The following TUBGCP3 variants were observed in gnomAD, a reference collection of about 807,000 sequenced individuals.
TUBGCP3 encodes tubulin gamma complex component 3, also known as gamma-tubulin complex component 3.
Under a neutral mutation model 123.1 loss-of-function variants are expected in TUBGCP3, and 50 were observed. That is an observed-to-expected ratio of 0.41 (90% CI 0.32 to 0.51). TUBGCP3 has a LOEUF of 0.51. TUBGCP3 is among the 20% of genes least tolerant of loss of function. The pLI is 0.36. For synonymous variants in TUBGCP3, 405 were observed against 413.9 expected, an observed-to-expected ratio of 0.98 and a Z score of 0.26; for missense variants, 882 against 1,127.0, an observed-to-expected ratio of 0.78 and a Z score of 3.11.
At chr13:112,507,636 G>C (rs561329603) in intron 17 of TUBGCP3, among the ~76,000 whole-genome samples, 2 of 152,308 alleles carry the variant, frequency 1.3e-5, no homozygotes, top group African/African-American at 4.8e-5. Flanking sequence ...GCTCAGGTCT[G>C]TGCTGCTCTG....
chr13:112,489,718 A>T (rs1248401238), intron 20 of TUBGCP3, 21 bp from the exon 21 acceptor site: 1 of 1,588,076 alleles, frequency 6.3e-7, no homozygotes, highest in East Asian at 2.2e-5. Flanking sequence ...AAAAGTACCA[A>T]ATGTCAGTAA....
chr13:112,502,898 G>A (rs559951506), intron 19 of TUBGCP3, among the ~76,000 whole-genome samples: 1 of 151,978 alleles, frequency 6.6e-6, no homozygotes, highest in Non-Finnish European at 1.5e-5. Flanking sequence ...CTATTTTTCT[G>A]ACATAATTTC....
chr13:112,486,944 T>C (rs1274809219), intron 21 of TUBGCP3, among the ~76,000 whole-genome samples: 4 of 152,164 alleles, frequency 2.6e-5, no homozygotes, highest in Non-Finnish European at 5.9e-5. Flanking sequence ...CACTGCCCCT[T>C]CCCAGCTTCT....
At position 112,526,977 on chromosome 13, in the gene TUBGCP3, A is replaced by G. The variant is rs200530144; in HGVS notation, c.1520T>C (p.Ile507Thr). The G allele has an allele frequency of 1.2e-6, 2 of 1,614,116 alleles. No individual in the cohort carries two copies. Among genetic ancestry groups the G allele is most frequent in the Non-Finnish European group, 1.7e-6 (2 of 1,180,046 alleles). ...TGACTCTGCAGACTTGGTCACAGCT[A>G]TCATCTTTGTAGTGGGAGTCTGATC... Reference protein sequence around the residue: ...CHDQTPTTKMIAVTKSAESPQ... With the variant: ...CHDQTPTTKMTAVTKSAESPQ... The change falls in exon 13 of 22, where the codon ATA becomes ACA. Residue 507 changes from isoleucine (I) to threonine (T), a missense_variant. Physicochemically the swap from Ile to Thr is moderately conservative, Grantham distance 89 (BLOSUM62 -1). Around this residue, in one of 3 missense-constraint regions of TUBGCP3, gnomAD observed 713 missense variants for 874.0 expected, o/e 0.82. Coordinates refer to ENST00000261965, the MANE Select transcript of TUBGCP3 (RefSeq NM_006322.6).
chr13:112,584,826 T>C (rs1023376658), intron 1 of TUBGCP3, among the ~76,000 whole-genome samples: 3 of 152,192 alleles, frequency 2.0e-5, no homozygotes, highest in Admixed American at 1.3e-4. Context: ...TTTCCAATGA[T>C]AAGAATAATT....
intron 1 of TUBGCP3, among the ~76,000 whole-genome samples, chr13:112,584,429 T>C (rs1882473760): frequency 6.6e-6 from 1 of 152,262 alleles, no homozygotes; most frequent in African/African-American, 2.4e-5. Flanking sequence ...AATATACATG[T>C]AATACACATT....
intron 1 of TUBGCP3, among the ~76,000 whole-genome samples, chr13:112,584,352 C>T (rs1882466952): frequency 6.6e-6 from 1 of 152,158 alleles, no homozygotes; most frequent in Non-Finnish European, 1.5e-5. Context: ...AATAGTAAAT[C>T]CATCAAGTAC....
chr13:112,554,821 C>T, intron 7 of TUBGCP3, 66 bp downstream of exon 7: 1 of 1,157,248 alleles, frequency 8.6e-7, no homozygotes, highest in South Asian at 1.5e-5. Flanking sequence ...TCAACAGCCA[C>T]TATCTGGACT....
At chr13:112,570,950 T>A (rs1159386953) in intron 1 of TUBGCP3, among the ~76,000 whole-genome samples, 2 of 152,234 alleles carry the variant, frequency 1.3e-5, no homozygotes, top group African/African-American at 2.4e-5. Flanking sequence ...AAGCAACTCC[T>A]CATCCCTTCA....
rs1438606402 is a variant in TUBGCP3 at position 112,522,340 on chromosome 13, C to T, written c.1725G>A (p.Arg575=). 1.2e-6 allele frequency: 2 copies of T among 1,601,096 alleles called. No homozygotes were observed. The highest frequency in any genetic ancestry group is 1.1e-5 in the South Asian group (1 of 89,372). Residue 575 remains arginine, a synonymous_variant, in exon 14 of 22, where the codon AGG becomes AGA. Coordinates refer to ENST00000261965, the MANE Select transcript of TUBGCP3 (RefSeq NM_006322.6). The stretch of plus-strand genomic sequence containing the variant: ...CTTACTTTAGCAAGTCCATTAAGTG[C>T]CTTATAAAGTCTCCTTGACCAAGAA... ...YLLLGQGDFI[R]HLMDLLKPEL...
At chr13:112,573,801 C>A (rs1418822960) in intron 1 of TUBGCP3, among the ~76,000 whole-genome samples, 1 of 152,170 alleles carries the variant, frequency 6.6e-6, no homozygotes, top group East Asian at 1.9e-4. Context: ...CCTCCAGATC[C>A]CCCCACCCCC....
At chr13:112,556,759 T>C (rs544885627) in intron 5 of TUBGCP3, among the ~76,000 whole-genome samples, 2 of 152,284 alleles carry the variant, frequency 1.3e-5, no homozygotes, top group African/African-American at 4.8e-5. Context: ...TATACAAACG[T>C]ATAAAATCTA....
intron 12 of TUBGCP3, 145 bp downstream of exon 12, chr13:112,527,229 T>C: frequency 2.8e-6 from 2 of 717,306 alleles, no homozygotes; most frequent in Non-Finnish European, 4.6e-6. Flanking sequence ...TACTGATGTA[T>C]TCAATTAACA....
At chr13:112,582,730 G>C (rs992592286) in intron 1 of TUBGCP3, among the ~76,000 whole-genome samples, 1 of 152,146 alleles carries the variant, frequency 6.6e-6, no homozygotes, top group East Asian at 1.9e-4. Flanking sequence ...ATCACCTAAG[G>C]AGAGGTCTAG....
chr13:112,494,724 A>G (rs1308826220), intron 20 of TUBGCP3, among the ~76,000 whole-genome samples: 1 of 152,240 alleles, frequency 6.6e-6, no homozygotes, highest in Non-Finnish European at 1.5e-5. Context: ...CATCCTCGCC[A>G]GCATTTGTTC....
At position 112,554,088 on chromosome 13, in the gene TUBGCP3, C is replaced by A. The variant is rs369067303; in HGVS notation, c.935G>T (p.Ser312Ile). The A allele has an allele frequency of 6.2e-6, 10 of 1,614,128 alleles. No individual in the cohort carries two copies. Among genetic ancestry groups the A allele is most frequent in the Non-Finnish European group, 8.5e-6 (10 of 1,180,008 alleles). ...GACGAGTCCGAATGAGCGGTCCAGG[C>A]TCCTCTGGTCCGTGTATCTTCTGAT... Reference protein sequence around the residue: ...NKIRRYTDQRSLDRSFGLVGQ... With the variant: ...NKIRRYTDQRILDRSFGLVGQ... The change falls in exon 8 of 22, where the codon AGC becomes ATC. Residue 312 changes from serine to isoleucine, a missense_variant. Ser to Ile is a moderately radical substitution (Grantham distance 142). Transcript: ENST00000261965.
chr13:112,569,298 A>G (rs748299905), intron 1 of TUBGCP3, 39 bp from the exon 2 acceptor site: 4 of 1,604,240 alleles, frequency 2.5e-6, no homozygotes, highest in South Asian at 2.2e-5. Flanking sequence ...GTTACCAACC[A>G]GGTTACGTTC....
At chr13:112,496,689 T>G (rs1880547398) in intron 20 of TUBGCP3, among the ~76,000 whole-genome samples, 1 of 152,102 alleles carries the variant, frequency 6.6e-6, no homozygotes, top group Non-Finnish European at 1.5e-5. Context: ...AGCACAGGCT[T>G]AAAATCCGAA....
chr13:112,548,078 A>T, intron 9 of TUBGCP3, 30 bp downstream of exon 9: 1 of 1,499,176 alleles, frequency 6.7e-7, no homozygotes, highest in Non-Finnish European at 9.0e-7. Context: ...TCAAATCATA[A>T]AGAAATAAAA....
Sources: allele counts gnomAD v4.1 joint callset (sites outside exome capture counted in the v4.1 genomes callset), GRCh38; gene constraint gnomAD v4.1.1; regional missense constraint gnomAD v4.1.1; transcripts MANE v1.5; gene names NCBI Gene and HGNC (gene_info 2026-07-23, HGNC 2026-07-21).